KMT2C: variants seen among roughly 807,000 people sequenced by gnomAD.
The protein encoded by KMT2C is lysine methyltransferase 2C.
In KMT2C, 88 loss-of-function variants were observed where a neutral mutation model predicts 507.9. That is an observed-to-expected ratio of 0.17 (90% CI 0.15 to 0.21). The LOEUF (loss-of-function observed/expected upper bound fraction) is 0.21, where lower values mean the gene tolerates loss of function less well. Ranked by LOEUF, KMT2C falls within the 10% of genes least tolerant of loss-of-function variation. KMT2C has a pLI of 1.00. For missense variants in KMT2C, 4,954 were observed against 5,957.8 expected, an observed-to-expected ratio of 0.83 and a Z score of 5.55; for synonymous variants, 2,049 against 2,080.8, an observed-to-expected ratio of 0.98 and a Z score of 0.42.
intron 18 of KMT2C, among the ~76,000 whole-genome samples, chr7:152,229,202 G>A (rs1246213245): frequency 1.3e-5 from 2 of 152,080 alleles, no homozygotes; most frequent in Non-Finnish European, 2.9e-5. Flanking sequence ...TTTCCTTGTG[G>A]AGTATACAGT....
intron 3 of KMT2C, among the ~76,000 whole-genome samples, chr7:152,323,721 G>C (rs1394794987): frequency 2.0e-5 from 3 of 146,756 alleles, no homozygotes; most frequent in Non-Finnish European, 3.0e-5. Flanking sequence ...GAAGGAGGGA[G>C]GGACGAAGGG....
intron 2 of KMT2C, among the ~76,000 whole-genome samples, chr7:152,341,362 G>C (rs1412937102): frequency 1.3e-5 from 2 of 152,206 alleles, no homozygotes; most frequent in African/African-American, 2.4e-5. Context: ...ACTTCAGTTT[G>C]AAAATTATGT....
intron 1 of KMT2C, among the ~76,000 whole-genome samples, chr7:152,408,498 G>T (rs1468818359): frequency 6.6e-6 from 1 of 152,242 alleles, no homozygotes; most frequent in Non-Finnish European, 1.5e-5. Flanking sequence ...TTGGGAACCA[G>T]GCCACACAGC....
chr7:152,422,342 C>A (rs1181451768), intron 1 of KMT2C, among the ~76,000 whole-genome samples: 2 of 151,160 alleles, frequency 1.3e-5, no homozygotes, highest in Admixed American at 6.6e-5. Flanking sequence ...GTAATCACAG[C>A]TACTAGGGAG....
intron 9 of KMT2C, among the ~76,000 whole-genome samples, chr7:152,255,110 T>TATATATATAC (rs1491472398): frequency 5.7e-5 from 1 of 17,396 alleles, no homozygotes; most frequent in African/African-American, 5.3e-4. Context: ...AACTCTCACT[T>TATATATATAC]ATATATATAT....
intron 1 of KMT2C, among the ~76,000 whole-genome samples, chr7:152,360,600 G>A (rs1235611316): frequency 1.3e-5 from 2 of 151,908 alleles, no homozygotes; most frequent in East Asian, 1.9e-4. Flanking sequence ...CTGAGAGGCC[G>A]AGGCAGGCAG....
rs1400133609 is a variant in KMT2C at position 152,181,444 on chromosome 7, C to A, written c.6416G>T (p.Arg2139Leu). 1.9e-6 allele frequency: 3 copies of A among 1,613,654 alleles called. No homozygotes were observed. The highest frequency in any genetic ancestry group is 2.5e-6 in the Non-Finnish European group (3 of 1,179,958). Residue 2139 changes from arginine to leucine, a missense_variant, in exon 36 of 59, where the codon CGA (arginine) becomes CTA (leucine). Around this residue, in one of 29 missense-constraint regions of KMT2C, gnomAD observed 1,689 missense variants for 1,654.3 expected, o/e 1.02. Coordinates refer to ENST00000262189, the MANE Select transcript of KMT2C (RefSeq NM_170606.3). ...TTGGGAATAAGAATCTACAACAGGT[C>A]GTGGAGTTCCTGGGGGTTGGGAGTA... ...DPYSQPPGTP[R>L]PVVDSYSQSS...
Position 152,136,492 on chromosome 7 carries a change from A to C in KMT2C, c.*340T>G, listed in dbSNP as rs959752949. 6.9e-6 allele frequency: 2 copies of C among 290,086 alleles called. No homozygotes were observed. The highest frequency in any genetic ancestry group is 4.8e-5 in the Admixed American group (1 of 20,720). The allele number at this position is 290,086 out of a possible 1,614,324, so 18.0% of individuals were successfully genotyped here. ...TTTGCCCCAGTAAAAGTTTCTCCTT[A>C]GTGAGACTAGAAAACCAAAACAATG... On this transcript the variant is annotated 3_prime_UTR_variant, in exon 59 of 59. Coordinates refer to ENST00000262189, the MANE Select transcript of KMT2C (RefSeq NM_170606.3).
chr7:152,221,053 C>T (rs1413242703), intron 22 of KMT2C, among the ~76,000 whole-genome samples: 1 of 152,052 alleles, frequency 6.6e-6, no homozygotes, highest in Non-Finnish European at 1.5e-5. Context: ...GTCATGAGAT[C>T]GAGACCATGC....
intron 55 of KMT2C, among the ~76,000 whole-genome samples, chr7:152,143,671 C>T (rs558824645): frequency 3.3e-4 from 50 of 152,284 alleles, no homozygotes; most frequent in Non-Finnish European, 1.8e-4. Context: ...CACGATGCTC[C>T]AGGTTGAAAG....
At chr7:152,397,370 A>G (rs2097543713) in intron 1 of KMT2C, among the ~76,000 whole-genome samples, 1 of 151,306 alleles carries the variant, frequency 6.6e-6, no homozygotes, top group Non-Finnish European at 1.5e-5. Flanking sequence ...CCATCACTCT[A>G]CTCTAAGCCA....
rs1051426745 is a variant in KMT2C, at chr7:152,384,570, C to T, written c.162-25895G>A. On this transcript the variant is annotated intron_variant, in intron 1 of 58. Coordinates refer to ENST00000262189, the MANE Select transcript of KMT2C (RefSeq NM_170606.3). ...ATAACACCACCACCACCACCACCACCACCACCACCACCACCACCACCACCA... is the reference window on the plus strand; with the variant it reads ...ATAACACCACCACCACCACCACCACTACCACCACCACCACCACCACCACCA... Among the ~76,000 whole-genome samples, 116 of 32,492 alleles carry T rather than the reference C, an allele frequency of 3.6e-3. 2 individuals are homozygous for T. The highest frequency in any genetic ancestry group is 7.2e-3 in the African/African-American group (92 of 12,812). 21.3% of individuals were successfully genotyped at this position (32,492 alleles called of 152,430 possible).
chr7:152,325,312 C>T (rs544875417), intron 3 of KMT2C, among the ~76,000 whole-genome samples: 50 of 152,012 alleles, frequency 3.3e-4, no homozygotes, highest in African/African-American at 1.2e-3. Context: ...CCACGCCCAG[C>T]TAATTTTTGT....
At chr7:152,368,563 G>T in intron 1 of KMT2C, 1 of 1,397,216 alleles carries the variant, frequency 7.2e-7, no homozygotes, top group East Asian at 2.4e-5. Context: ...TCGTCAGTTT[G>T]AGGATGAGAA....
At chr7:152,388,536 C>T (rs1276629882) in intron 1 of KMT2C, among the ~76,000 whole-genome samples, 7 of 151,970 alleles carry the variant, frequency 4.6e-5, no homozygotes, top group Non-Finnish European at 7.4e-5. Flanking sequence ...CCAGCCTGGG[C>T]GACAGAGCGA....
At chr7:152,339,795 T>A (rs1021754150) in intron 2 of KMT2C, among the ~76,000 whole-genome samples, 2 of 152,160 alleles carry the variant, frequency 1.3e-5, no homozygotes, top group African/African-American at 4.8e-5. Flanking sequence ...TGTTCGATAG[T>A]TGCTTAATTA....
Position 152,354,392 on chromosome 7 carries a change from T to C in KMT2C, c.250+4195A>G, listed in dbSNP as rs10480264. ...CTTAGTGAATCCAATTCCTCCTATA[T>C]CCCTAGAAGTATTCTTGGCACTGGG... On this transcript the variant is annotated intron_variant, in intron 2 of 58. Transcript: ENST00000262189. Among the ~76,000 whole-genome samples the C allele has an allele frequency of 9.5e-3, 1,446 of 152,260 alleles. 30 individuals are homozygous for C. Among genetic ancestry groups the C allele is most frequent in the African/African-American group, 0.033 (1,391 of 41,548 alleles).
At chr7:152,421,247 A>AG (rs1346162972) in intron 1 of KMT2C, among the ~76,000 whole-genome samples, 1 of 152,134 alleles carries the variant, frequency 6.6e-6, no homozygotes, top group Non-Finnish European at 1.5e-5. Flanking sequence ...CACAAAAAAA[A>AG]CATGTTGGCA....
At chr7:152,290,081 C>T (rs990702710) in intron 6 of KMT2C, among the ~76,000 whole-genome samples, 2 of 151,040 alleles carry the variant, frequency 1.3e-5, no homozygotes, top group African/African-American at 4.9e-5. Context: ...CAAACAAAAA[C>T]AACCGTATCA....
Sources: gnomAD v4.1 joint callset for allele counts (sites outside exome capture counted in the v4.1 genomes callset) on GRCh38, gnomAD v4.1.1 for gene constraint, gnomAD v4.1.1 regional missense constraint, MANE v1.5 for transcripts, NCBI Gene and HGNC (gene_info 2026-07-23, HGNC 2026-07-21) for gene names.